The following SEPTIN7 variants were observed in gnomAD, a reference collection of about 807,000 sequenced individuals.
The protein encoded by SEPTIN7 is septin 7.
Under a neutral mutation model 63.3 loss-of-function variants are expected in SEPTIN7, and 10 were observed. The observed-to-expected ratio is 0.16, with a 90% CI of 0.10 to 0.27. SEPTIN7 has a LOEUF of 0.27. Ranked by LOEUF, SEPTIN7 falls within the 10% of genes least tolerant of loss-of-function variation. The probability of loss-of-function intolerance (pLI) is 1.00; values close to 1 mark genes in which losing one functional copy is unlikely to be tolerated. For missense variants in SEPTIN7, 310 were observed against 521.0 expected (o/e 0.59, Z 3.94); for synonymous variants, 131 against 165.3 (o/e 0.79, Z 1.59).
At chr7:35,829,932 AAT>A (rs1182020704) in intron 1 of SEPTIN7, among the ~76,000 whole-genome samples, 1 of 152,006 alleles carries the variant, frequency 6.6e-6, no homozygotes, top group Non-Finnish European at 1.5e-5. Flanking sequence ...TTACGCCTGT[AAT>A]CCCAGCACTT....
chr7:35,860,747 G>A (rs375893933), intron 3 of SEPTIN7, among the ~76,000 whole-genome samples: 29 of 152,328 alleles, frequency 1.9e-4, no homozygotes, highest in Middle Eastern at 3.4e-3. Context: ...TATGCAGTGA[G>A]TTGCTTCTCT....
intron 4 of SEPTIN7, among the ~76,000 whole-genome samples, chr7:35,866,174 A>G (rs552603029): frequency 6.6e-6 from 1 of 152,242 alleles, no homozygotes; most frequent in African/African-American, 2.4e-5. Context: ...GTATTCTTTT[A>G]TATACTGGAA....
At chr7:35,862,145 A>G (rs1406272367) in intron 3 of SEPTIN7, among the ~76,000 whole-genome samples, 6 of 152,176 alleles carry the variant, frequency 3.9e-5, no homozygotes, top group African/African-American at 1.4e-4. Context: ...AAGTATAACA[A>G]ACTAAGAAAA....
chr7:35,861,079 C>T (rs527660354), intron 3 of SEPTIN7, among the ~76,000 whole-genome samples: 40 of 152,062 alleles, frequency 2.6e-4, no homozygotes, highest in African/African-American at 9.2e-4. Context: ...TTTTCTTTTG[C>T]CTACTCAGTT....
chr7:35,832,689 T>C, intron 2 of SEPTIN7, 109 bp from the exon 3 acceptor site: 1 of 738,862 alleles, frequency 1.4e-6, no homozygotes, highest in Non-Finnish European at 2.5e-6. Context: ...TTTGATTTGC[T>C]GTGAATAATA....
chr7:35,891,483 A>C (rs1054431107), intron 11 of SEPTIN7, among the ~76,000 whole-genome samples: 14 of 152,216 alleles, frequency 9.2e-5, no homozygotes, highest in African/African-American at 3.4e-4. Flanking sequence ...TGAATGTTAT[A>C]GACAGTTGTA....
intron 10 of SEPTIN7, chr7:35,888,820 T>TGTTA (rs1787443875): frequency 5.6e-6 from 1 of 179,454 alleles, no homozygotes; most frequent in Non-Finnish European, 1.0e-5. Context: ...CGAGACCCTG[T>TGTTA]ATCAAAAAAA....
intron 3 of SEPTIN7, among the ~76,000 whole-genome samples, chr7:35,837,532 A>G (rs184394377): frequency 1.3e-5 from 2 of 152,282 alleles, no homozygotes; most frequent in African/African-American, 2.4e-5. Context: ...GGAAGTTTGA[A>G]TTGCTGTTAA....
intron 1 of SEPTIN7, chr7:35,815,219 T>TC: frequency 2.4e-6 from 1 of 411,148 alleles, no homozygotes; most frequent in Non-Finnish European, 4.8e-6. Flanking sequence ...GTCCAAGGAG[T>TC]CCAGCAACCT....
chr7:35,815,255 C>A (rs907149771), intron 1 of SEPTIN7: 4 of 370,698 alleles, frequency 1.1e-5, no homozygotes, highest in Non-Finnish European at 2.1e-5. Flanking sequence ...GATTAAGAAC[C>A]AAGATCTGGG....
intron 3 of SEPTIN7, among the ~76,000 whole-genome samples, chr7:35,838,236 ACTTCCTTCCTTC>A (rs1167892518): frequency 0.021 from 1,222 of 58,872 alleles, 140 homozygotes; most frequent in Middle Eastern, 0.054. Flanking sequence ...TATTATCCAA[ACTTCCTTCCTTC>A]CTTCCTTCCT....
At chr7:35,908,896 G>T (rs1232331269), downstream of SEPTIN7, among the ~76,000 whole-genome samples, 2 of 152,176 alleles carry the variant, frequency 1.3e-5, no homozygotes, top group African/African-American at 4.8e-5. Context: ...ATTTAATTCT[G>T]TTGTCTTTGA....
At chr7:35,829,078 T>G (rs1384233726) in intron 1 of SEPTIN7, among the ~76,000 whole-genome samples, 1 of 149,540 alleles carries the variant, frequency 6.7e-6, no homozygotes, top group Admixed American at 6.6e-5. Flanking sequence ...TCATTTCCTA[T>G]CACTCATCCC....
At position 35,834,082 on chromosome 7, in the gene SEPTIN7, G is replaced by A. The variant is rs567740526; in HGVS notation, c.169+1182G>A. Among the ~76,000 whole-genome samples the A allele has an allele frequency of 7.2e-5, 11 of 151,932 alleles. No homozygotes were observed. In the South Asian group the frequency reaches 2.3e-3, roughly 32 times the overall value. On this transcript the variant is annotated intron_variant, in intron 3 of 13. Transcript: ENST00000350320. Reference sequence around the variant, plus strand: ...GAGTAGAGATGGGTCTAGATAGAGGGATAAAATAATGCAGAGCATACCTTT... The same window carrying A: ...GAGTAGAGATGGGTCTAGATAGAGGAATAAAATAATGCAGAGCATACCTTT...
intron 1 of SEPTIN7, among the ~76,000 whole-genome samples, chr7:35,828,668 TG>T (rs1265049413): frequency 8.5e-5 from 13 of 152,182 alleles, no homozygotes; most frequent in African/African-American, 2.9e-4. Flanking sequence ...TGAGCCACCG[TG>T]CCCTGCCGAC....
the SEPTIN7 span, among the ~76,000 whole-genome samples, chr7:35,913,491 C>CTTCCTTCCTTCCCTTCA: frequency 6.8e-6 from 1 of 147,954 alleles, no homozygotes; most frequent in Non-Finnish European, 1.5e-5. Flanking sequence ...CCTTCCCTTC[C>CTTCCTTCCTTCCCTTCA]TTCCTTCCTT....
At chr7:35,867,427 A>G (rs1250961202) in intron 4 of SEPTIN7, among the ~76,000 whole-genome samples, 5 of 152,114 alleles carry the variant, frequency 3.3e-5, no homozygotes, top group Non-Finnish European at 5.9e-5. Context: ...TCGGTTCACT[A>G]CAACCTCCAC....
At chr7:35,850,294 A>G (rs1372622872) in intron 3 of SEPTIN7, among the ~76,000 whole-genome samples, 1 of 152,184 alleles carries the variant, frequency 6.6e-6, no homozygotes, top group South Asian at 2.1e-4. Flanking sequence ...TAAAGTAGGT[A>G]TCTTGATCAA....
intron 1 of SEPTIN7, among the ~76,000 whole-genome samples, chr7:35,823,123 C>CT (rs1406078691): frequency 5.9e-5 from 9 of 152,124 alleles, no homozygotes; most frequent in African/African-American, 2.2e-4. Context: ...AATAATAACC[C>CT]TGTGGGGCTA....
Sources: gnomAD v4.1 joint callset for allele counts (sites outside exome capture counted in the v4.1 genomes callset) on GRCh38, gnomAD v4.1.1 for gene constraint, MANE v1.5 for transcripts, NCBI Gene and HGNC (gene_info 2026-07-23, HGNC 2026-07-21) for gene names.